The following CHN2 variants were observed in gnomAD, a reference collection of about 807,000 sequenced individuals.
CHN2 encodes beta-chimaerin.
A neutral mutation model predicts 56.3 loss-of-function variants in CHN2; 35 were observed. The ratio of observed to expected loss-of-function variants is 0.62; its 90% CI spans 0.47 to 0.82. The LOEUF (loss-of-function observed/expected upper bound fraction) is 0.82. CHN2 is among the 40% of genes least tolerant of loss of function. CHN2 has a pLI of 0.00. For synonymous variants in CHN2, 210 were observed against 212.8 expected (o/e 0.99, Z 0.12); for missense variants, 491 against 580.5 (o/e 0.85, Z 1.58).
intron 2 of CHN2, among the ~76,000 whole-genome samples, chr7:29,176,910 T>G: frequency 6.6e-6 from 1 of 152,160 alleles, no homozygotes; most frequent in East Asian, 1.9e-4. Flanking sequence ...AGCTTATATG[T>G]TAAAATGCCT....
At chr7:29,377,388 C>T (rs1800154610) in intron 3 of CHN2, among the ~76,000 whole-genome samples, 1 of 152,186 alleles carries the variant, frequency 6.6e-6, no homozygotes, top group African/African-American at 2.4e-5. Flanking sequence ...TTATGAATTC[C>T]AGCTCTTTTG....
chr7:29,193,007 G>C (rs1783092585), upstream of CHN2: 1 of 152,230 alleles, frequency 6.6e-6, no homozygotes, highest in Admixed American at 6.5e-5. Flanking sequence ...GTCCCTGAAG[G>C]CTCCAGATTA....
intron 1 of CHN2, among the ~76,000 whole-genome samples, chr7:29,219,729 T>C (rs1304183100): frequency 3.9e-5 from 6 of 152,132 alleles, no homozygotes; most frequent in Non-Finnish European, 8.8e-5. Flanking sequence ...TCAGGCAAAG[T>C]AGACTTTAAT....
intron 6 of CHN2, among the ~76,000 whole-genome samples, chr7:29,413,640 C>T (rs1803454974): frequency 6.6e-6 from 1 of 152,150 alleles, no homozygotes; most frequent in Non-Finnish European, 1.5e-5. Flanking sequence ...AAACAAGAAA[C>T]CCGGGGCTTG....
rs541116774 is a variant in CHN2 at position 29,488,189 on chromosome 7, T to C, written c.655-7763T>C. ...GGGAACTCAGAGTGTCTGTCATAGA[T>C]TGATTCACCTCTGCTGTGTTTTCGT... On this transcript the variant is annotated intron_variant, in intron 7 of 12. Transcript: ENST00000222792. 5.1e-4 allele frequency among the ~76,000 whole-genome samples: 77 copies of C among 152,324 alleles called. 1 individual carries two copies. The highest frequency in any genetic ancestry group is 1.2e-3 in the Admixed American group (19 of 15,302).
intron 1 of CHN2, among the ~76,000 whole-genome samples, chr7:29,282,990 A>C (rs1412610151): frequency 6.6e-6 from 1 of 152,174 alleles, no homozygotes; most frequent in Non-Finnish European, 1.5e-5. Context: ...AGTGAAAGCC[A>C]AATAGCAAAA....
chr7:29,259,335 A>AAAAC (rs1050641339), intron 1 of CHN2, among the ~76,000 whole-genome samples: 8 of 151,588 alleles, frequency 5.3e-5, no homozygotes, highest in African/African-American at 1.9e-4. Flanking sequence ...TCAAAAAAAA[A>AAAAC]ACCCAAACAA....
chr7:29,491,310 T>G lies in CHN2; in HGVS notation c.655-4642T>G, dbSNP rs144148829. ...TATTCTGATTAGAGTTGTATAAGGA[T>G]TTTTTCTACAATCACTGTACTTTTC... On this transcript the variant is annotated intron_variant, in intron 7 of 12. Coordinates refer to ENST00000222792, the MANE Select transcript of CHN2 (RefSeq NM_004067.4). Among the ~76,000 whole-genome samples the G allele has an allele frequency of 3.8e-3, 581 of 152,304 alleles. 1 individual carries two copies. Among genetic ancestry groups the G allele is most frequent in the Middle Eastern group, 6.8e-3 (2 of 294 alleles).
chr7:29,476,580 T>C (rs1786615398), intron 6 of CHN2, among the ~76,000 whole-genome samples: 2 of 151,412 alleles, frequency 1.3e-5, no homozygotes, highest in Non-Finnish European at 2.9e-5. Context: ...AAAATACACA[T>C]ATATATGCAA....
chr7:29,256,094 ATG>A (rs1378560761), intron 1 of CHN2, among the ~76,000 whole-genome samples: 1 of 152,176 alleles, frequency 6.6e-6, no homozygotes, highest in Non-Finnish European at 1.5e-5. Context: ...CGTTCATTTC[ATG>A]TAAACAATTA....
intron 6 of CHN2, among the ~76,000 whole-genome samples, chr7:29,425,436 C>G (rs1804765373): frequency 6.6e-6 from 1 of 151,786 alleles, no homozygotes; most frequent in Non-Finnish European, 1.5e-5. Flanking sequence ...ACAAGAAACT[C>G]AGGTTTTGGG....
At chr7:29,290,409 A>G (rs1353022841) in intron 1 of CHN2, among the ~76,000 whole-genome samples, 2 of 152,114 alleles carry the variant, frequency 1.3e-5, no homozygotes, top group African/African-American at 2.4e-5. Context: ...TTTCCATTTG[A>G]TATCTGAAGA....
At chr7:29,171,081 A>G (rs4562212) in intron 2 of CHN2, among the ~76,000 whole-genome samples, 18,353 of 152,142 alleles carry the variant, frequency 0.12, 1,241 homozygotes, top group East Asian at 0.24. Context: ...TTAAAAAACG[A>G]CTTTATGAGA....
At chr7:29,462,084 C>T (rs148742346) in intron 6 of CHN2, among the ~76,000 whole-genome samples, 11 of 152,288 alleles carry the variant, frequency 7.2e-5, no homozygotes, top group South Asian at 2.1e-4. Context: ...TTGTTTCACA[C>T]GCATTTTGTT....
chr7:29,398,591 C>A, intron 5 of CHN2, 105 bp downstream of exon 5: 1 of 708,934 alleles, frequency 1.4e-6, no homozygotes, highest in Non-Finnish European at 2.4e-6. Context: ...CAAAATTCAT[C>A]ATTTTTCCCA....
intron 1 of CHN2, among the ~76,000 whole-genome samples, chr7:29,273,386 T>TATACAC (rs1790907952): frequency 4.2e-5 from 2 of 47,736 alleles, no homozygotes; most frequent in African/African-American, 1.0e-4. Flanking sequence ...TATATATATA[T>TATACAC]ATACACACAC....
intron 6 of CHN2, among the ~76,000 whole-genome samples, chr7:29,440,462 G>T (rs193040463): frequency 1.6e-4 from 24 of 152,044 alleles, no homozygotes; most frequent in African/African-American, 5.5e-4. Context: ...AGGCCGAGGC[G>T]GGTGGATCAC....
chr7:29,268,618 C>G (rs1331862266), intron 1 of CHN2, among the ~76,000 whole-genome samples: 3 of 152,128 alleles, frequency 2.0e-5, no homozygotes, highest in African/African-American at 7.2e-5. Context: ...GTCTGTCTGG[C>G]TTGGATAATT....
chr7:29,409,003 C>A (rs1802927137), intron 6 of CHN2, among the ~76,000 whole-genome samples: 2 of 152,116 alleles, frequency 1.3e-5, no homozygotes. Context: ...CCAAACCTAA[C>A]GGATGTGAAA....
Sources: gnomAD v4.1 joint callset for allele counts (sites outside exome capture counted in the v4.1 genomes callset) on GRCh38, gnomAD v4.1.1 for gene constraint, MANE v1.5 for transcripts, NCBI Gene and HGNC (gene_info 2026-07-23, HGNC 2026-07-21) for gene names.